DLG2: variants seen among roughly 807,000 people sequenced by gnomAD.
The protein encoded by DLG2 is discs large MAGUK scaffold protein 2.
A neutral mutation model predicts 132.5 loss-of-function variants in DLG2; 45 were observed. The ratio of observed to expected loss-of-function variants is 0.34; its 90% CI spans 0.27 to 0.44. DLG2 has a LOEUF of 0.44. Ranked by LOEUF, DLG2 falls within the 20% of genes least tolerant of loss-of-function variation. The probability of loss-of-function intolerance (pLI) is 1.00; values close to 1 mark genes in which losing one functional copy is unlikely to be tolerated. For synonymous variants in DLG2, 424 were observed against 419.6 expected (o/e 1.01, Z -0.13); for missense variants, 1,045 against 1,196.9 (o/e 0.87, Z 1.87).
chr11:83,938,937 C>T (rs1303297605), intron 14 of DLG2, among the ~76,000 whole-genome samples: 2 of 152,086 alleles, frequency 1.3e-5, no homozygotes, highest in Non-Finnish European at 2.9e-5. Flanking sequence ...CTCAAATCAC[C>T]ACTTTGACCT....
chr11:83,639,278 G>T (rs2065731918), intron 18 of DLG2, among the ~76,000 whole-genome samples: 1 of 152,146 alleles, frequency 6.6e-6, no homozygotes, highest in Non-Finnish European at 1.5e-5. Context: ...CCAGATAAGA[G>T]GAAGCCATAA....
chr11:84,900,250 A>T (rs1410137096), intron 6 of DLG2, among the ~76,000 whole-genome samples: 1 of 152,114 alleles, frequency 6.6e-6, no homozygotes, highest in African/African-American at 2.4e-5. Context: ...TATCAAGAAC[A>T]TAGATGTGAA....
intron 6 of DLG2, among the ~76,000 whole-genome samples, chr11:85,057,405 A>G (rs2063567951): frequency 6.6e-6 from 1 of 151,614 alleles, no homozygotes; most frequent in Non-Finnish European, 1.5e-5. Context: ...ACTTTATGCC[A>G]ATTAAAGCTA....
intron 6 of DLG2, among the ~76,000 whole-genome samples, chr11:84,670,872 TG>T (rs1261704271): frequency 6.6e-6 from 1 of 152,132 alleles, no homozygotes; most frequent in African/African-American, 2.4e-5. Flanking sequence ...AAAATTCCTA[TG>T]AACAAAGTAT....
At chr11:83,975,646 A>G (rs1185136844) in intron 12 of DLG2, among the ~76,000 whole-genome samples, 1 of 152,002 alleles carries the variant, frequency 6.6e-6, no homozygotes, top group Non-Finnish European at 1.5e-5. Context: ...AAGTTTTGTA[A>G]TAAGTATAAT....
Position 85,597,631 on chromosome 11 carries a change from A to G in DLG2, c.40+1026T>C, listed in dbSNP as rs1236529708. On this transcript the variant is annotated intron_variant, in intron 3 of 27. Transcript: ENST00000376104. ...GATTTTCAAATTTTCAAAATTGAAT[A>G]ATTTTTAAAATTACATTCAAACTAT... 5.3e-5 allele frequency among the ~76,000 whole-genome samples: 8 copies of G among 151,938 alleles called. No individual in the cohort carries two copies. The East Asian group carries it at 1.5e-3, about 29-fold the overall frequency.
At chr11:83,982,698 C>T (rs1026818688) in intron 11 of DLG2, among the ~76,000 whole-genome samples, 4 of 152,168 alleles carry the variant, frequency 2.6e-5, no homozygotes, top group African/African-American at 9.6e-5. Context: ...TTTAAGTCTA[C>T]AGTAGTGTAC....
At chr11:84,724,522 T>C (rs950110536) in intron 6 of DLG2, among the ~76,000 whole-genome samples, 3 of 152,168 alleles carry the variant, frequency 2.0e-5, no homozygotes, top group Non-Finnish European at 4.4e-5. Context: ...CATGAGAGAA[T>C]ATTTATACCA....
rs115817410 is a variant in DLG2, at chr11:85,409,797, A to C, written c.41-124432T>G. 9.7e-3 allele frequency among the ~76,000 whole-genome samples: 1,477 copies of C among 151,984 alleles called. 20 individuals carry two copies. The highest frequency in any genetic ancestry group is 0.033 in the African/African-American group (1,375 of 41,498). On this transcript the variant is annotated intron_variant, in intron 3 of 27. Transcript: ENST00000376104. ...CTGTATGAAGATTTTCTCATTTACA[A>C]AATGGGAAGAGAAGTACTTAAAACT... is the stretch of plus-strand genomic sequence containing the variant.
chr11:84,921,122 TA>T (rs2092735282), intron 6 of DLG2, among the ~76,000 whole-genome samples: 1 of 152,024 alleles, frequency 6.6e-6, no homozygotes, highest in Non-Finnish European at 1.5e-5. Context: ...TCAAAATAGA[TA>T]AAAATATTAG....
intron 6 of DLG2, among the ~76,000 whole-genome samples, chr11:85,010,371 C>T (rs957444847): frequency 1.3e-5 from 2 of 151,970 alleles, no homozygotes; most frequent in African/African-American, 2.4e-5. Flanking sequence ...GTGTCAGCAT[C>T]CTTACCACCT....
chr11:85,195,525 T>TG (rs2080968139), intron 4 of DLG2, among the ~76,000 whole-genome samples: 1 of 123,336 alleles, frequency 8.1e-6, no homozygotes, highest in African/African-American at 3.4e-5. Context: ...GTGACAGTGT[T>TG]TTTTTTTTTT....
chr11:85,258,966 T>C (rs991533074), intron 4 of DLG2, among the ~76,000 whole-genome samples: 1 of 152,204 alleles, frequency 6.6e-6, no homozygotes. Context: ...ATTTCACAGA[T>C]TAAAAAACTG....
At chr11:84,390,894 C>G (rs1159957008) in intron 7 of DLG2, among the ~76,000 whole-genome samples, 2 of 152,148 alleles carry the variant, frequency 1.3e-5, no homozygotes, top group African/African-American at 2.4e-5. Context: ...GCGCTCCTTC[C>G]TCTTGTAATG....
At chr11:83,785,502 T>C (rs2095017389) in intron 18 of DLG2, among the ~76,000 whole-genome samples, 2 of 152,374 alleles carry the variant, frequency 1.3e-5, no homozygotes, top group Admixed American at 6.5e-5. Flanking sequence ...AAATCTCCTC[T>C]TTCCCACTCT....
rs532279846 is a variant in DLG2 at position 83,886,872 on chromosome 11, C to G, written c.1497-12384G>C. Among the ~76,000 whole-genome samples, 3 of 150,366 alleles carry G rather than the reference C, an allele frequency of 2.0e-5. No individual in the cohort carries two copies. The South Asian group carries it at 6.2e-4, about 31-fold the overall frequency. On this transcript the variant is annotated intron_variant, in intron 15 of 27. Transcript: ENST00000376104. ...TACTGGGTACATAACGAAATGAAGG[C>G]AGAAATAAAGATGTTCTTTGAAACC...
At chr11:85,463,677 G>A (rs1016615133) in intron 3 of DLG2, among the ~76,000 whole-genome samples, 2 of 152,042 alleles carry the variant, frequency 1.3e-5, no homozygotes, top group African/African-American at 2.4e-5. Flanking sequence ...AGGCTAAGGC[G>A]GGAGGATGAC....
At chr11:84,956,123 A>G (rs1031905932) in intron 6 of DLG2, among the ~76,000 whole-genome samples, 1 of 152,200 alleles carries the variant, frequency 6.6e-6, no homozygotes, top group Admixed American at 6.5e-5. Flanking sequence ...ATTTATCAGC[A>G]TAGTTCTTCC....
At chr11:85,280,830 T>A (rs2078175708) in intron 4 of DLG2, among the ~76,000 whole-genome samples, 2 of 151,970 alleles carry the variant, frequency 1.3e-5, no homozygotes, top group African/African-American at 4.8e-5. Context: ...AACAAAAAAA[T>A]CAAACCTCGG....
Sources: gnomAD v4.1 joint callset for allele counts (sites outside exome capture counted in the v4.1 genomes callset) on GRCh38, gnomAD v4.1.1 for gene constraint, MANE v1.5 for transcripts, NCBI Gene and HGNC (gene_info 2026-07-23, HGNC 2026-07-21) for gene names.